NFKB1: variants seen among roughly 807,000 people sequenced by gnomAD.
NFKB1 encodes the protein nuclear factor NF-kappa-B p105 subunit.
A neutral mutation model predicts 105.1 loss-of-function variants in NFKB1; 9 were observed. The observed-to-expected ratio is 0.09, with a 90% CI of 0.05 to 0.15. The LOEUF (loss-of-function observed/expected upper bound fraction) is 0.15, where lower values mean the gene tolerates loss of function less well. NFKB1 is among the 10% of genes least tolerant of loss of function. NFKB1 has a pLI of 1.00. For missense variants in NFKB1, 830 were observed against 1,203.7 expected (o/e 0.69, Z 4.59); for synonymous variants, 440 against 442.2 (o/e 1.00, Z 0.06).
At chr4:102,553,959 C>G (rs1377413067) in intron 5 of NFKB1, among the ~76,000 whole-genome samples, 1 of 152,128 alleles carries the variant, frequency 6.6e-6, no homozygotes, top group Non-Finnish European at 1.5e-5. Context: ...AAAATGTTCA[C>G]AATTTTAAAG....
intron 8 of NFKB1, among the ~76,000 whole-genome samples, chr4:102,579,978 A>G (rs974526010): frequency 2.6e-5 from 4 of 152,144 alleles, no homozygotes; most frequent in African/African-American, 9.7e-5. Context: ...TGGAGAAAAA[A>G]AAAAAGGAAG....
chr4:102,597,479 A>G (rs1726723853), intron 14 of NFKB1, 41 bp from the exon 15 acceptor site: 2 of 1,569,210 alleles, frequency 1.3e-6, no homozygotes, highest in East Asian at 2.3e-5. Context: ...ATAAAACAAA[A>G]GTAGGAACAC....
chr4:102,575,419 CTCTT>C (rs755747705), intron 6 of NFKB1, among the ~76,000 whole-genome samples: 11 of 152,072 alleles, frequency 7.2e-5, no homozygotes, highest in Admixed American at 1.3e-4. Context: ...GTCATGAAAT[CTCTT>C]TCTTTCCTCT....
At chr4:102,551,347 G>GGTGTGT (rs199492662) in intron 5 of NFKB1, among the ~76,000 whole-genome samples, 2 of 139,006 alleles carry the variant, frequency 1.4e-5, no homozygotes, top group Non-Finnish European at 3.1e-5. Context: ...ATTCTAAATT[G>GGTGTGT]GTGTGTGTGT....
intron 1 of NFKB1, among the ~76,000 whole-genome samples, chr4:102,513,833 C>T (rs938225921): frequency 1.4e-4 from 22 of 152,106 alleles, no homozygotes; most frequent in African/African-American, 5.1e-4. Flanking sequence ...CTTTATGGCT[C>T]GGGACGTGGT....
At chr4:102,598,447 G>C (rs1726831699) in intron 15 of NFKB1, among the ~76,000 whole-genome samples, 1 of 152,162 alleles carries the variant, frequency 6.6e-6, no homozygotes, top group South Asian at 2.1e-4. Context: ...AAGAGCTCTT[G>C]AGTGCTGTGT....
At position 102,555,979 on chromosome 4, in the gene NFKB1, A is replaced by T. The variant is rs567574985; in HGVS notation, c.259-11008A>T. Among the ~76,000 whole-genome samples, 5 of 152,306 alleles carry T rather than the reference A, an allele frequency of 3.3e-5. No individual in the cohort carries two copies. In the East Asian group the frequency reaches 9.6e-4, roughly 29 times the overall value. On this transcript the variant is annotated intron_variant, in intron 5 of 23. Transcript: ENST00000226574. ...AATTGCAGTGATTCTTCATGAGCTA[A>T]ACTAAGAGTTCAAGCTAAGATAGAT... is the stretch of plus-strand genomic sequence containing the variant.
chr4:102,581,183 G>A (rs748252165), intron 9 of NFKB1, among the ~76,000 whole-genome samples: 2 of 152,108 alleles, frequency 1.3e-5, no homozygotes, highest in Non-Finnish European at 2.9e-5. Flanking sequence ...GGTTCTTGGC[G>A]TTTATCTTTC....
intron 16 of NFKB1, among the ~76,000 whole-genome samples, chr4:102,604,055 A>T (rs1460009718): frequency 1.3e-5 from 2 of 152,268 alleles, no homozygotes; most frequent in East Asian, 3.9e-4. Context: ...TATCATGTAT[A>T]TTCATAGTTT....
intron 5 of NFKB1, among the ~76,000 whole-genome samples, chr4:102,546,342 C>A (rs577762987): frequency 6.6e-6 from 1 of 152,004 alleles, no homozygotes; most frequent in East Asian, 1.9e-4. Flanking sequence ...AGCATGTTTT[C>A]TCAGGAGCTC....
chr4:102,505,429 A>G (rs13137392), intron 1 of NFKB1, among the ~76,000 whole-genome samples: 6,769 of 152,350 alleles, frequency 0.044, 260 homozygotes, highest in Middle Eastern at 0.13. Flanking sequence ...CAGTAATACA[A>G]ATTTCATCTG....
At chr4:102,543,658 T>C in intron 5 of NFKB1, among the ~76,000 whole-genome samples, 1 of 151,316 alleles carries the variant, frequency 6.6e-6, no homozygotes, top group East Asian at 1.9e-4. Flanking sequence ...AAATCCTAAA[T>C]GTTAAGTTTC....
Position 102,593,486 on chromosome 4 carries a change from C to T in NFKB1, c.1128C>T (p.Gly376=), listed in dbSNP as rs763254090. Residue 376 remains glycine, a synonymous_variant, in exon 12 of 24, where the codon GGC becomes GGT. Coordinates refer to ENST00000226574, the MANE Select transcript of NFKB1 (RefSeq NM_003998.4). ...KLMPNFSDSF[G]GGSGAGAGGG... Reference sequence around the variant, plus strand: ...TGCCCAATTTTTCGGATAGTTTCGGCGGTGGTAGTGGTGCTGGAGCTGGAG... The same window carrying T: ...TGCCCAATTTTTCGGATAGTTTCGGTGGTGGTAGTGGTGCTGGAGCTGGAG... 1.5e-5 allele frequency: 25 copies of T among 1,613,272 alleles called. No individual in the cohort carries two copies. Among genetic ancestry groups the T allele is most frequent in the Middle Eastern group, 1.6e-4 (1 of 6,062 alleles).
chr4:102,597,508 A>AT lies in NFKB1; in HGVS notation c.1496-10dup, dbSNP rs757194476. On this transcript the variant is annotated splice_polypyrimidine_tract_variant and intron_variant, in intron 14 of 23. Coordinates refer to ENST00000226574, the MANE Select transcript of NFKB1 (RefSeq NM_003998.4). The stretch of plus-strand genomic sequence containing the variant: ...GGAACACTCAACTATGATTGTGGTC[A>AT]TTGCCTTACAGATAACCTCTTTCTA... 4.4e-6 allele frequency: 7 copies of AT among 1,603,256 alleles called. No individual in the cohort carries two copies. Among genetic ancestry groups the AT allele is most frequent in the Non-Finnish European group, 6.0e-6 (7 of 1,173,138 alleles).
rs200653009 is a variant in NFKB1 at position 102,529,823 on chromosome 4, T to G, written c.40-13T>G. The G allele has an allele frequency of 4.6e-5, 72 of 1,552,962 alleles. No homozygotes were observed. Among genetic ancestry groups the G allele is most frequent in the Non-Finnish European group, 6.3e-5 (71 of 1,132,258 alleles). On this transcript the variant is annotated splice_polypyrimidine_tract_variant and intron_variant, in intron 2 of 23. Coordinates refer to ENST00000226574, the MANE Select transcript of NFKB1 (RefSeq NM_003998.4). ...AAATAATGATTGAAACATTTAAATG[T>G]TCTTCTTTACAGATGTTTCATTTGG...
intron 15 of NFKB1, among the ~76,000 whole-genome samples, chr4:102,600,144 G>T (rs1408450787): frequency 6.6e-6 from 1 of 152,194 alleles, no homozygotes; most frequent in Non-Finnish European, 1.5e-5. Context: ...GGGACAACTT[G>T]CTCCACCTAG....
chr4:102,571,367 A>C (rs1488987077), intron 6 of NFKB1, among the ~76,000 whole-genome samples: 2 of 152,236 alleles, frequency 1.3e-5, no homozygotes, highest in African/African-American at 4.8e-5. Flanking sequence ...TTATATCTAA[A>C]ACCATAAAAA....
rs149705748 is a variant in NFKB1 at position 102,551,962 on chromosome 4, G to A, written c.258+14006G>A. 3.7e-3 allele frequency among the ~76,000 whole-genome samples: 556 copies of A among 152,302 alleles called. 3 individuals carry two copies. The highest frequency in any genetic ancestry group is 5.9e-3 in the Non-Finnish European group (399 of 68,016). ...ATGATTTAGCAGCAACGCATGCAAA[G>A]AGATCTAGGAGTTTTAGTTAATAAC... On this transcript the variant is annotated intron_variant, in intron 5 of 23. Coordinates refer to ENST00000226574, the MANE Select transcript of NFKB1 (RefSeq NM_003998.4).
At chr4:102,577,643 C>T (rs990750307) in intron 7 of NFKB1, 1 of 173,764 alleles carries the variant, frequency 5.8e-6, no homozygotes, top group Non-Finnish European at 1.1e-5. Context: ...TCTGGCCGTC[C>T]AGTCGTCATC....
Sources: gnomAD v4.1 joint callset for allele counts (sites outside exome capture counted in the v4.1 genomes callset) on GRCh38, gnomAD v4.1.1 for gene constraint, MANE v1.5 for transcripts, NCBI Gene and HGNC (gene_info 2026-07-23, HGNC 2026-07-21) for gene names.